Variants in ELAVL2 observed in about 807,000 individuals in gnomAD.
ELAVL2 encodes ELAV like RNA binding protein 2, also known as ELAV-like protein 2.
In ELAVL2, 4 loss-of-function variants were observed where a neutral mutation model predicts 34.6. That is an observed-to-expected ratio of 0.12 (90% confidence interval 0.06 to 0.26). The LOEUF is 0.26. ELAVL2 is among the 10% of genes least tolerant of loss of function. The pLI is 1.00. For synonymous variants in ELAVL2, 193 were observed against 154.8 expected (o/e 1.25, Z -1.83); for missense variants, 432 against 442.8 (o/e 0.98, Z 0.22).
intron 1 of ELAVL2, among the ~76,000 whole-genome samples, chr9:23,777,835 C>A (rs745807870): frequency 2.5e-4 from 38 of 152,088 alleles, no homozygotes; most frequent in Non-Finnish European, 4.7e-4. Context: ...CTTTTACTTG[C>A]CAAGAATAAA....
intron 5 of ELAVL2, among the ~76,000 whole-genome samples, chr9:23,696,615 C>G (rs895293419): frequency 6.6e-6 from 1 of 151,966 alleles, no homozygotes; most frequent in African/African-American, 2.4e-5. Context: ...ACTACAGGCA[C>G]CCAACCACCA....
chr9:23,741,622 C>T (rs1289193371), intron 2 of ELAVL2, among the ~76,000 whole-genome samples: 1 of 152,068 alleles, frequency 6.6e-6, no homozygotes, highest in East Asian at 1.9e-4. Context: ...GGAACAGAGT[C>T]CCCACTGCAA....
intron 1 of ELAVL2, among the ~76,000 whole-genome samples, chr9:23,775,252 T>C (rs1421062716): frequency 6.6e-6 from 1 of 152,138 alleles, no homozygotes; most frequent in Non-Finnish European, 1.5e-5. Context: ...ACAAACAAAA[T>C]CTTATTTAAT....
the ELAVL2 span, chr9:23,831,736 C>A: frequency 6.6e-6 from 1 of 151,902 alleles, no homozygotes; most frequent in Non-Finnish European, 1.5e-5. Flanking sequence ...GCTGATAGAC[C>A]GCTGAAGTAA....
At chr9:23,821,866 G>T (rs1038462223) in intron 1 of ELAVL2, 1 of 151,352 alleles carries the variant, frequency 6.6e-6, no homozygotes. Context: ...CGGGAAGGAG[G>T]GGCTTGCTTG....
chr9:23,821,248 C>T (rs994446510), intron 1 of ELAVL2: 1 of 152,464 alleles, frequency 6.6e-6, no homozygotes, highest in Non-Finnish European at 1.5e-5. Flanking sequence ...CAGTTTCCTT[C>T]TTGCGCTACA....
rs1189927383 is a variant in ELAVL2 at position 23,800,945 on chromosome 9, G to T, written c.-16+24861C>A. Among the ~76,000 whole-genome samples the T allele has an allele frequency of 6.6e-5, 10 of 152,184 alleles. No homozygotes were observed. In the East Asian group the frequency reaches 1.9e-3, roughly 29 times the overall value. On this transcript the variant is annotated intron_variant, in intron 1 of 6. Coordinates refer to ENST00000397312, the MANE Select transcript of ELAVL2 (RefSeq NM_004432.5). ...TCCTTCCTGCTTGTTGGAAAGCAAG[G>T]CACCTTATTTGAGGGCTTTCCAGAT...
At chr9:23,730,096 A>G (rs886201279) in intron 3 of ELAVL2, among the ~76,000 whole-genome samples, 2 of 152,134 alleles carry the variant, frequency 1.3e-5, no homozygotes, top group Non-Finnish European at 2.9e-5. Context: ...ACTCTGTGAG[A>G]AAGAGTGCCA....
intron 1 of ELAVL2, among the ~76,000 whole-genome samples, chr9:23,800,745 C>T (rs1450313487): frequency 6.6e-6 from 1 of 152,080 alleles, no homozygotes; most frequent in Non-Finnish European, 1.5e-5. Context: ...TAAAACTAAA[C>T]TTTAAATTTA....
intron 5 of ELAVL2, among the ~76,000 whole-genome samples, chr9:23,700,823 G>C (rs2036936115): frequency 6.6e-6 from 1 of 151,676 alleles, no homozygotes; most frequent in African/African-American, 2.4e-5. Flanking sequence ...ATACTATAAA[G>C]TGAAGTAACA....
chr9:23,824,841 A>T (rs1026175418), intron 1 of ELAVL2, among the ~76,000 whole-genome samples: 4 of 151,998 alleles, frequency 2.6e-5, no homozygotes, highest in African/African-American at 9.7e-5. Context: ...TATTCGAGGA[A>T]GTGGGGGCGG....
At chr9:23,822,513 G>C (rs761154189) in intron 1 of ELAVL2, among the ~76,000 whole-genome samples, 3 of 152,124 alleles carry the variant, frequency 2.0e-5, no homozygotes, top group Non-Finnish European at 4.4e-5. Context: ...TCCCATCGCT[G>C]CCTTGCCTTG....
chr9:23,827,828 C>T (rs2138721138), upstream of ELAVL2, among the ~76,000 whole-genome samples: 1 of 152,210 alleles, frequency 6.6e-6, no homozygotes, highest in African/African-American at 2.4e-5. Context: ...AAAAACAGAC[C>T]TGTTTATCTC....
At chr9:23,729,463 A>G (rs2046026330) in intron 3 of ELAVL2, among the ~76,000 whole-genome samples, 1 of 152,188 alleles carries the variant, frequency 6.6e-6, no homozygotes, top group Admixed American at 6.6e-5. Context: ...TAGTACTAGT[A>G]AAAGATCTCT....
intron 3 of ELAVL2, among the ~76,000 whole-genome samples, chr9:23,726,167 T>C (rs1224377321): frequency 6.6e-6 from 1 of 152,006 alleles, no homozygotes; most frequent in Non-Finnish European, 1.5e-5. Flanking sequence ...TTAATGGCAA[T>C]ACAGTAGCTT....
chr9:23,829,213 G>T (rs1275944284), upstream of ELAVL2, among the ~76,000 whole-genome samples: 1 of 152,178 alleles, frequency 6.6e-6, no homozygotes, highest in Non-Finnish European at 1.5e-5. Context: ...AAAAGTGTGA[G>T]GTGGATAAAG....
At position 23,691,554 on chromosome 9, in the gene ELAVL2, T is replaced by A. The variant is rs2033173982; in HGVS notation, c.*1003A>T. The A allele has an allele frequency of 6.6e-6, 1 of 152,570 alleles. No individual in the cohort carries two copies. Among genetic ancestry groups the A allele is most frequent in the Non-Finnish European group, 1.5e-5 (1 of 68,020 alleles). 9.5% of individuals were successfully genotyped at this position (152,570 alleles called of 1,614,324 possible). Reference sequence around the variant, plus strand: ...CTCTCGGTAATTTAAATTTCTTGCCTGCTCTTATATATTCTTTTGTAAATT... The same window carrying A: ...CTCTCGGTAATTTAAATTTCTTGCCAGCTCTTATATATTCTTTTGTAAATT... On this transcript the variant is annotated 3_prime_UTR_variant, in exon 7 of 7. Transcript: ENST00000397312.
At chr9:23,709,447 T>C (rs1290924791) in intron 3 of ELAVL2, among the ~76,000 whole-genome samples, 1 of 145,724 alleles carries the variant, frequency 6.9e-6, no homozygotes, top group African/African-American at 2.5e-5. Flanking sequence ...CCTTCTCCAT[T>C]CCGATTTTTT....
intron 1 of ELAVL2, among the ~76,000 whole-genome samples, chr9:23,818,609 T>C (rs1296946699): frequency 6.6e-6 from 1 of 152,198 alleles, no homozygotes; most frequent in African/African-American, 2.4e-5. Flanking sequence ...GCACACCATC[T>C]AGCCCCCTTA....
Sources: allele counts gnomAD v4.1 joint callset (sites outside exome capture counted in the v4.1 genomes callset), GRCh38; gene constraint gnomAD v4.1.1; transcripts MANE v1.5; gene names NCBI Gene and HGNC (gene_info 2026-07-23, HGNC 2026-07-21).